The following WWOX variants were observed in gnomAD, a reference collection of about 807,000 sequenced individuals.
WWOX encodes WW domain-containing oxidoreductase.
In WWOX, 69 loss-of-function variants were observed where a neutral mutation model predicts 46.2. That is an observed-to-expected ratio of 1.49 (90% confidence interval 1.23 to 1.82). The LOEUF is 1.82. WWOX is among the 40% of genes most tolerant of loss of function. WWOX has a pLI of 0.00. For missense variants in WWOX, 919 were observed against 542.6 expected (o/e 1.69, Z -6.89); for synonymous variants, 359 against 202.6 (o/e 1.77, Z -6.56).
chr16:78,936,402 C>G (rs1221462044), intron 8 of WWOX, among the ~76,000 whole-genome samples: 2 of 152,100 alleles, frequency 1.3e-5, no homozygotes, highest in Non-Finnish European at 2.9e-5. Context: ...ATGATCTCCC[C>G]AGGATGGGTA....
chr16:78,560,381 G>A (rs1304646223), intron 8 of WWOX, among the ~76,000 whole-genome samples: 6 of 152,138 alleles, frequency 3.9e-5, no homozygotes, highest in East Asian at 1.9e-4. Context: ...GGTGGCTCAC[G>A]CCTGTAATCC....
chr16:78,823,832 A>C (rs760153096), intron 8 of WWOX, among the ~76,000 whole-genome samples: 4 of 151,698 alleles, frequency 2.6e-5, no homozygotes, highest in African/African-American at 9.7e-5. Flanking sequence ...CTAGAGTACA[A>C]TGGTATGATC....
At chr16:78,144,471 A>ATATATACG (rs2034114281) in intron 4 of WWOX, among the ~76,000 whole-genome samples, 6 of 33,586 alleles carry the variant, frequency 1.8e-4, no homozygotes, top group East Asian at 8.1e-4. Flanking sequence ...ATACACACAT[A>ATATATACG]TATATATATA....
intron 8 of WWOX, among the ~76,000 whole-genome samples, chr16:78,928,995 G>C (rs745954053): frequency 5.9e-5 from 9 of 152,116 alleles, no homozygotes; most frequent in Non-Finnish European, 1.0e-4. Context: ...GTACATTTCT[G>C]TATATATAAT....
intron 8 of WWOX, among the ~76,000 whole-genome samples, chr16:78,735,438 T>C (rs1328352938): frequency 8.0e-6 from 1 of 125,228 alleles, no homozygotes; most frequent in Non-Finnish European, 1.6e-5. Context: ...AATATGGTTC[T>C]GATTCTCTGG....
intron 5 of WWOX, among the ~76,000 whole-genome samples, chr16:78,380,724 C>T (rs1434617421): frequency 6.6e-6 from 1 of 152,132 alleles, no homozygotes; most frequent in African/African-American, 2.4e-5. Flanking sequence ...CCCGATAGGG[C>T]AGGTGCTGTT....
intron 8 of WWOX, among the ~76,000 whole-genome samples, chr16:78,983,319 C>T (rs1454334905): frequency 6.6e-6 from 1 of 152,154 alleles, no homozygotes; most frequent in South Asian, 2.1e-4. Flanking sequence ...GAACCAGGGC[C>T]TCCTCGTATC....
intron 8 of WWOX, among the ~76,000 whole-genome samples, chr16:78,833,262 G>C (rs754203634): frequency 6.6e-6 from 1 of 151,948 alleles, no homozygotes; most frequent in African/African-American, 2.4e-5. Context: ...CTCCAGTCTG[G>C]TCTTGAACTC....
At chr16:78,873,124 TTTTCTC>T (rs2044162648) in intron 8 of WWOX, 1 of 152,148 alleles carries the variant, frequency 6.6e-6, no homozygotes, top group African/African-American at 2.4e-5. Context: ...TGCTAGTCCT[TTTTCTC>T]TTCCTCCATC....
chr16:78,491,192 G>A (rs951388785), intron 8 of WWOX, among the ~76,000 whole-genome samples: 12 of 152,088 alleles, frequency 7.9e-5, no homozygotes, highest in African/African-American at 2.9e-4. Flanking sequence ...CTTCCACAAA[G>A]CCTTCCCAGA....
intron 8 of WWOX, among the ~76,000 whole-genome samples, chr16:78,468,459 C>T (rs183874222): frequency 6.6e-6 from 1 of 152,086 alleles, no homozygotes; most frequent in Non-Finnish European, 1.5e-5. Context: ...TTTGCAGATT[C>T]ATCCTTTTGC....
chr16:79,046,785 C>T (rs909211291), intron 8 of WWOX, among the ~76,000 whole-genome samples: 2 of 152,152 alleles, frequency 1.3e-5, no homozygotes, highest in Non-Finnish European at 2.9e-5. Flanking sequence ...CAACTTCACC[C>T]TGCTCTCTTT....
chr16:78,734,945 A>C (rs1380192668), intron 8 of WWOX, among the ~76,000 whole-genome samples: 3 of 136,916 alleles, frequency 2.2e-5, no homozygotes, highest in Admixed American at 8.4e-5. Flanking sequence ...AGCTCACTAC[A>C]ACCTCAGCCT....
chr16:79,101,687 G>C (rs529558160), intron 8 of WWOX: 1 of 150,922 alleles, frequency 6.6e-6, no homozygotes, highest in African/African-American at 2.5e-5. Context: ...CTTTCCAAAG[G>C]GAATTACCTG....
At chr16:78,827,310 C>T (rs1309477036) in intron 8 of WWOX, among the ~76,000 whole-genome samples, 2 of 152,082 alleles carry the variant, frequency 1.3e-5, no homozygotes, top group Non-Finnish European at 1.5e-5. Flanking sequence ...CATCAAAGCA[C>T]CATGTGTGGG....
intron 8 of WWOX, among the ~76,000 whole-genome samples, chr16:78,584,026 G>T (rs752453155): frequency 6.6e-6 from 1 of 152,174 alleles, no homozygotes; most frequent in Non-Finnish European, 1.5e-5. Flanking sequence ...ATTCAGTGTG[G>T]CCCAGATCAA....
At chr16:78,979,989 G>T (rs541385301) in intron 8 of WWOX, among the ~76,000 whole-genome samples, 9 of 152,244 alleles carry the variant, frequency 5.9e-5, no homozygotes, top group Admixed American at 3.3e-4. Flanking sequence ...TTAGCTGGGT[G>T]TGTTGGTGGG....
chr16:78,311,242 A>T (rs2080237124), intron 5 of WWOX, among the ~76,000 whole-genome samples: 2 of 152,180 alleles, frequency 1.3e-5, no homozygotes, highest in South Asian at 2.1e-4. Flanking sequence ...TATCAGTTGC[A>T]TTCCCTGTAT....
chr16:79,057,419 A>C (rs1171547421), intron 8 of WWOX, among the ~76,000 whole-genome samples: 1 of 152,208 alleles, frequency 6.6e-6, no homozygotes, highest in African/African-American at 2.4e-5. Context: ...GTTTTTGCTA[A>C]GCATTAGTTT....
Sources: gnomAD v4.1 joint callset for allele counts (sites outside exome capture counted in the v4.1 genomes callset) on GRCh38, gnomAD v4.1.1 for gene constraint, MANE v1.5 for transcripts, NCBI Gene and HGNC (gene_info 2026-07-23, HGNC 2026-07-21) for gene names.